The following RABGEF1 variants were observed in gnomAD, a reference collection of about 807,000 sequenced individuals.
The protein encoded by RABGEF1 is rab5 GDP/GTP exchange factor.
A neutral mutation model predicts 57.3 loss-of-function variants in RABGEF1; 26 were observed. The observed-to-expected ratio is 0.45, with a 90% CI of 0.33 to 0.63. The LOEUF is 0.63. RABGEF1 is among the 20% of genes least tolerant of loss of function. The probability of loss-of-function intolerance (pLI) is 0.02; values close to 1 mark genes in which losing one functional copy is unlikely to be tolerated. For missense variants in RABGEF1, 464 were observed against 607.6 expected (o/e 0.76, Z 2.48); for synonymous variants, 185 against 210.7 (o/e 0.88, Z 1.06).
intron 2 of RABGEF1, among the ~76,000 whole-genome samples, chr7:66,732,399 A>C (rs1797428785): frequency 6.6e-6 from 1 of 152,084 alleles, no homozygotes; most frequent in Non-Finnish European, 1.5e-5. Flanking sequence ...AGGTGAGGAG[A>C]AGCAGATGAG....
chr7:66,780,176 A>G (rs1280739829), intron 3 of RABGEF1, among the ~76,000 whole-genome samples: 2 of 152,226 alleles, frequency 1.3e-5, no homozygotes, highest in African/African-American at 4.8e-5. Context: ...CTCCAAAGTC[A>G]GAGGAGTTGG....
chr7:66,753,694 T>A (rs116456122), intron 1 of RABGEF1, among the ~76,000 whole-genome samples: 29,139 of 144,450 alleles, frequency 0.2, 3,510 homozygotes, highest in East Asian at 0.3. Flanking sequence ...ATGTCTATTT[T>A]GCCATCGTTT....
At chr7:66,794,039 A>G (rs149697057) in intron 4 of RABGEF1, among the ~76,000 whole-genome samples, 1 of 152,058 alleles carries the variant, frequency 6.6e-6, no homozygotes, top group Non-Finnish European at 1.5e-5. Flanking sequence ...GTTTGCTTTC[A>G]TCTTTTGAAC....
At chr7:66,703,846 G>C (rs1039483512) in intron 1 of RABGEF1, among the ~76,000 whole-genome samples, 5 of 152,190 alleles carry the variant, frequency 3.3e-5, no homozygotes, top group Admixed American at 2.6e-4. Context: ...TAGGAATTTT[G>C]ATAGGGATTG....
chr7:66,717,748 T>C (rs532080950), intron 2 of RABGEF1, among the ~76,000 whole-genome samples: 2 of 152,150 alleles, frequency 1.3e-5, no homozygotes, highest in African/African-American at 2.4e-5. Flanking sequence ...TTTTCAGAGA[T>C]AGGGTTTTGC....
At chr7:66,754,805 C>T (rs1440184373) in intron 1 of RABGEF1, among the ~76,000 whole-genome samples, 1 of 152,150 alleles carries the variant, frequency 6.6e-6, no homozygotes, top group Non-Finnish European at 1.5e-5. Context: ...ATGTGTGTAT[C>T]ACTTTACCCA....
upstream of RABGEF1, among the ~76,000 whole-genome samples, chr7:66,679,850 C>G (rs1042547752): frequency 6.6e-6 from 1 of 152,038 alleles, no homozygotes; most frequent in Non-Finnish European, 1.5e-5. Context: ...GGCGACATGG[C>G]AAAACCTTGT....
At chr7:66,713,774 G>A (rs1795044046) in intron 2 of RABGEF1, among the ~76,000 whole-genome samples, 2 of 152,146 alleles carry the variant, frequency 1.3e-5, no homozygotes, top group South Asian at 2.1e-4. Context: ...ACATTGATAC[G>A]TTGATATGAT....
chr7:66,753,954 C>T (rs1378840059), intron 1 of RABGEF1, among the ~76,000 whole-genome samples: 1 of 150,022 alleles, frequency 6.7e-6, no homozygotes, highest in Admixed American at 6.7e-5. Flanking sequence ...ATCCACCTGC[C>T]TCTGCCTCCC....
At chr7:66,684,050 T>C (rs1790205920) in intron 1 of RABGEF1, among the ~76,000 whole-genome samples, 1 of 152,094 alleles carries the variant, frequency 6.6e-6, no homozygotes, top group African/African-American at 2.4e-5. Flanking sequence ...AGGGTGGTTA[T>C]TAAAGAGAAA....
At chr7:66,755,219 G>A (rs1474331500) in intron 1 of RABGEF1, among the ~76,000 whole-genome samples, 2 of 152,176 alleles carry the variant, frequency 1.3e-5, no homozygotes, top group Non-Finnish European at 2.9e-5. Context: ...GTGTGAACTT[G>A]GGAGGCGGAG....
At chr7:66,715,426 C>T (rs1010053727) in intron 2 of RABGEF1, among the ~76,000 whole-genome samples, 20 of 152,262 alleles carry the variant, frequency 1.3e-4, no homozygotes, top group African/African-American at 2.4e-4. Flanking sequence ...CCTCTGTGCC[C>T]GCCTCTTCTT....
At chr7:66,706,488 C>T (rs1228373621) in intron 1 of RABGEF1, among the ~76,000 whole-genome samples, 2 of 152,034 alleles carry the variant, frequency 1.3e-5, no homozygotes, top group African/African-American at 4.8e-5. Context: ...CTGCTTACTG[C>T]ACCCTTTGCC....
At chr7:66,684,613 A>G (rs902812400) in intron 1 of RABGEF1, among the ~76,000 whole-genome samples, 5 of 151,992 alleles carry the variant, frequency 3.3e-5, no homozygotes, top group African/African-American at 1.2e-4. Context: ...CCACCTAGTA[A>G]TTTAGCCTGA....
upstream of RABGEF1, among the ~76,000 whole-genome samples, chr7:66,677,528 C>T (rs905951085): frequency 6.6e-6 from 1 of 151,716 alleles, no homozygotes; most frequent in African/African-American, 2.4e-5. Context: ...TTTGGGAGGC[C>T]GAGGCGGGCG....
intron 1 of RABGEF1, among the ~76,000 whole-genome samples, chr7:66,755,131 A>T (rs1802400155): frequency 6.6e-6 from 1 of 152,158 alleles, no homozygotes; most frequent in South Asian, 2.1e-4. Context: ...GGTCTCTACT[A>T]AAAATACAAA....
upstream of RABGEF1, among the ~76,000 whole-genome samples, chr7:66,679,736 C>T (rs1344009467): frequency 6.6e-6 from 1 of 152,242 alleles, no homozygotes; most frequent in South Asian, 2.1e-4. Context: ...GCTTATTGAA[C>T]GCTCATTGTG....
intron 7 of RABGEF1, among the ~76,000 whole-genome samples, chr7:66,803,415 C>T (rs1787742994): frequency 6.6e-6 from 1 of 152,194 alleles, no homozygotes; most frequent in Admixed American, 6.5e-5. Context: ...ATTAAGCTGC[C>T]TTGGCTCTTT....
At chr7:66,717,483 C>A (rs1157491272) in intron 2 of RABGEF1, among the ~76,000 whole-genome samples, 1 of 151,996 alleles carries the variant, frequency 6.6e-6, no homozygotes, top group African/African-American at 2.4e-5. Flanking sequence ...TAGGCCAGGG[C>A]GTGGTGGCTC....
Sources: gnomAD v4.1 joint callset for allele counts (sites outside exome capture counted in the v4.1 genomes callset) on GRCh38, gnomAD v4.1.1 for gene constraint, MANE v1.5 for transcripts, NCBI Gene and HGNC (gene_info 2026-07-23, HGNC 2026-07-21) for gene names.